Variants in ZC3H12B observed in about 807,000 individuals in gnomAD.
The protein encoded by ZC3H12B is probable ribonuclease ZC3H12B.
In ZC3H12B, 7 loss-of-function variants were observed where a neutral mutation model predicts 43.9. That is an observed-to-expected ratio of 0.16 (90% CI 0.09 to 0.30). The LOEUF is 0.30. Among genes scored for constraint, ZC3H12B ranks in the 10% least tolerant of loss-of-function variants. The pLI, the probability that ZC3H12B is intolerant of heterozygous loss-of-function variation, is 1.00. For synonymous variants in ZC3H12B, 222 were observed against 241.7 expected (o/e 0.92, Z 0.76); for missense variants, 475 against 670.2 (o/e 0.71, Z 3.22).
chrX:65,467,315 A>T (rs1256509701), intron 3 of ZC3H12B, among the ~76,000 whole-genome samples: 1 of 110,858 alleles, frequency 9.0e-6, no homozygotes, highest in East Asian at 2.8e-4. Flanking sequence ...GTATTCCATG[A>T]TATACAGGTA....
At chrX:65,345,176 C>T in the ZC3H12B span, among the ~76,000 whole-genome samples, 1 of 112,216 alleles carries the variant, frequency 8.9e-6, no homozygotes, top group African/African-American at 3.2e-5. Context: ...TACCATTCAA[C>T]TTAGCAATCT....
chrX:65,168,358 A>T, the ZC3H12B span, among the ~76,000 whole-genome samples: 2 of 111,642 alleles, frequency 1.8e-5, no homozygotes, highest in Non-Finnish European at 3.8e-5. Context: ...GCATATGTTG[A>T]ACCAGCCTTG....
At chrX:65,239,873 T>C in the ZC3H12B span, among the ~76,000 whole-genome samples, 3 of 112,027 alleles carry the variant, frequency 2.7e-5, no homozygotes, top group African/African-American at 9.7e-5. Flanking sequence ...GTTGGAATTT[T>C]TTTTTCTTTA....
At chrX:65,067,292 C>T in the ZC3H12B span, among the ~76,000 whole-genome samples, 1 of 111,998 alleles carries the variant, frequency 8.9e-6, no homozygotes, top group East Asian at 2.8e-4. Context: ...AAGGAATCTC[C>T]TGGTCTGCAG....
the ZC3H12B span, among the ~76,000 whole-genome samples, chrX:65,319,406 C>T: frequency 5.4e-5 from 6 of 111,040 alleles, no homozygotes; most frequent in South Asian, 7.4e-4. Flanking sequence ...AGACAAATAA[C>T]GAGTTCCAAA....
chrX:65,342,154 C>A, the ZC3H12B span, among the ~76,000 whole-genome samples: 2 of 111,487 alleles, frequency 1.8e-5, no homozygotes, highest in African/African-American at 6.5e-5. Context: ...CAACAAAGAT[C>A]AAAAAATGAC....
the ZC3H12B span, among the ~76,000 whole-genome samples, chrX:65,104,183 T>C: frequency 8.9e-6 from 1 of 111,930 alleles, no homozygotes; most frequent in Admixed American, 9.5e-5. Context: ...ATTTCCTATT[T>C]AATAAATGGT....
At chrX:65,322,984 G>A in the ZC3H12B span, among the ~76,000 whole-genome samples, 1 of 111,150 alleles carries the variant, frequency 9.0e-6, no homozygotes, top group African/African-American at 3.3e-5. Flanking sequence ...TGATTTTAAT[G>A]GAATTATTAT....
the ZC3H12B span, among the ~76,000 whole-genome samples, chrX:65,122,192 AG>A: frequency 9.0e-6 from 1 of 110,562 alleles, no homozygotes; most frequent in African/African-American, 3.3e-5. Context: ...GTTCAATTCA[AG>A]AAAGTCTACA....
At chrX:65,175,926 A>T in the ZC3H12B span, among the ~76,000 whole-genome samples, 2 of 112,115 alleles carry the variant, frequency 1.8e-5, no homozygotes, top group Admixed American at 9.4e-5. Context: ...TGCCTACACC[A>T]CTGGGGCCCT....
At chrX:65,122,745 A>G in the ZC3H12B span, among the ~76,000 whole-genome samples, 1 of 111,497 alleles carries the variant, frequency 9.0e-6, no homozygotes. Flanking sequence ...CTAGTCTGTG[A>G]TAAAACAGAC....
the ZC3H12B span, among the ~76,000 whole-genome samples, chrX:65,277,944 A>T: frequency 9.0e-6 from 1 of 111,601 alleles, no homozygotes; most frequent in African/African-American, 3.2e-5. Flanking sequence ...AAAGGTAAAC[A>T]AAATTGACAA....
At chrX:65,262,964 T>C in the ZC3H12B span, among the ~76,000 whole-genome samples, 3 of 110,861 alleles carry the variant, frequency 2.7e-5, no homozygotes, top group Non-Finnish European at 5.7e-5. Flanking sequence ...TTGTAAAATA[T>C]TACATAGTGG....
chrX:65,259,363 C>A, the ZC3H12B span, among the ~76,000 whole-genome samples: 3 of 111,920 alleles, frequency 2.7e-5, no homozygotes, highest in Non-Finnish European at 5.6e-5. Context: ...TAGCCATATG[C>A]AGAAGATTGA....
intron 3 of ZC3H12B, among the ~76,000 whole-genome samples, chrX:65,407,876 G>A (rs1268044344): frequency 1.8e-5 from 2 of 113,666 alleles, no homozygotes; most frequent in African/African-American, 6.4e-5. Flanking sequence ...CCTGAGGGCC[G>A]GAGCCCGCAC....
At position 65,459,129 on chromosome X, in the gene ZC3H12B, G is replaced by A. The variant is rs887254238; in HGVS notation, n.408-29517G>A. Among the ~76,000 whole-genome samples the A allele has an allele frequency of 7.2e-5, 8 of 111,790 alleles. No homozygotes were observed. The South Asian group carries it at 1.1e-3, about 16-fold the overall frequency. ...TCTAGAAGAAATGGATAAATTCCTC[G>A]ACACATACACTCTCCCAAGACTAAA... On this transcript the variant is annotated intron_variant and non_coding_transcript_variant, in intron 3 of 5. Transcript: ENST00000617377.
At chrX:65,406,644 G>C (rs1479668040) in intron 3 of ZC3H12B, among the ~76,000 whole-genome samples, 4 of 106,950 alleles carry the variant, frequency 3.7e-5, no homozygotes, top group African/African-American at 1.4e-4. Context: ...GGGCGGGGCC[G>C]GCGCTGGTTA....
chrX:65,167,329 G>GTT, the ZC3H12B span, among the ~76,000 whole-genome samples: 1 of 111,567 alleles, frequency 9.0e-6, no homozygotes, highest in African/African-American at 3.3e-5. Context: ...TTTTTGTCAG[G>GTT]TTTGTCAAAG....
At chrX:65,405,591 G>A (rs1175597008) in intron 3 of ZC3H12B, among the ~76,000 whole-genome samples, 1 of 111,030 alleles carries the variant, frequency 9.0e-6, no homozygotes, top group Non-Finnish European at 1.9e-5. Flanking sequence ...CTGCACTCCC[G>A]CCTGGGTGAC....
Sources: allele counts gnomAD v4.1 joint callset (sites outside exome capture counted in the v4.1 genomes callset), GRCh38; gene constraint gnomAD v4.1.1; transcripts MANE v1.5; gene names NCBI Gene and HGNC (gene_info 2026-07-23, HGNC 2026-07-21).